The following SAMD12 variants were observed in gnomAD, a reference collection of about 807,000 sequenced individuals.
The protein encoded by SAMD12 is sterile alpha motif domain containing 12.
In SAMD12, 9 loss-of-function variants were observed where a neutral mutation model predicts 15.0. The observed-to-expected ratio is 0.60, with a 90% CI of 0.36 to 1.05. SAMD12 has a LOEUF of 1.05. SAMD12 is among the 50% of genes least tolerant of loss of function. SAMD12 has a pLI of 0.01. For missense variants in SAMD12, 230 were observed against 234.2 expected, an observed-to-expected ratio of 0.98 and a Z score of 0.12; for synonymous variants, 86 against 90.1, an observed-to-expected ratio of 0.96 and a Z score of 0.25.
At chr8:118,508,990 C>A (rs1265027277) in intron 2 of SAMD12, among the ~76,000 whole-genome samples, 1 of 152,238 alleles carries the variant, frequency 6.6e-6, no homozygotes, top group African/African-American at 2.4e-5. Context: ...TTCTTAATAA[C>A]ACTCTAGTCT....
intron 4 of SAMD12, among the ~76,000 whole-genome samples, chr8:118,243,312 T>A (rs912124309): frequency 2.6e-5 from 4 of 152,070 alleles, no homozygotes; most frequent in African/African-American, 9.7e-5. Flanking sequence ...AGGGAACAGA[T>A]GTGAAATTTG....
chr8:118,548,526 T>A (rs957141941), intron 2 of SAMD12, among the ~76,000 whole-genome samples: 3 of 152,056 alleles, frequency 2.0e-5, no homozygotes, highest in Admixed American at 6.5e-5. Context: ...TTTGTTAACA[T>A]CTACAACTGG....
the SAMD12 span, among the ~76,000 whole-genome samples, chr8:118,134,702 T>A: frequency 1.3e-5 from 2 of 152,168 alleles, no homozygotes; most frequent in African/African-American, 4.8e-5. Flanking sequence ...TAACCAGGTT[T>A]TCTTGGTTTG....
intron 4 of SAMD12, among the ~76,000 whole-genome samples, chr8:118,228,643 G>A (rs535081272): frequency 1.3e-5 from 2 of 152,188 alleles, no homozygotes; most frequent in East Asian, 1.9e-4. Context: ...AACAGTAGAT[G>A]TTGGCTTGGA....
At chr8:118,531,188 C>T (rs1389845038) in intron 2 of SAMD12, among the ~76,000 whole-genome samples, 1 of 152,198 alleles carries the variant, frequency 6.6e-6, no homozygotes, top group Non-Finnish European at 1.5e-5. Flanking sequence ...AATAGGGAAT[C>T]CTTTCCCCAT....
At chr8:118,577,795 C>T (rs2131251343) in intron 2 of SAMD12, among the ~76,000 whole-genome samples, 1 of 152,226 alleles carries the variant, frequency 6.6e-6, no homozygotes, top group East Asian at 1.9e-4. Flanking sequence ...TAACTCACTT[C>T]TCTGACAAAT....
intron 2 of SAMD12, among the ~76,000 whole-genome samples, chr8:118,458,070 C>T (rs540799467): frequency 6.6e-6 from 1 of 152,308 alleles, no homozygotes; most frequent in South Asian, 2.1e-4. Flanking sequence ...AAAACTCTCC[C>T]ATTTGACAAA....
At chr8:118,469,539 A>ATT (rs1823723921) in intron 2 of SAMD12, among the ~76,000 whole-genome samples, 1 of 2,678 alleles carries the variant, frequency 3.7e-4, no homozygotes, top group African/African-American at 7.3e-4. Flanking sequence ...TATTATATAT[A>ATT]TTATATTATT....
intron 4 of SAMD12, among the ~76,000 whole-genome samples, chr8:118,302,462 G>T (rs926901533): frequency 5.9e-5 from 9 of 152,010 alleles, no homozygotes; most frequent in African/African-American, 1.7e-4. Flanking sequence ...TATAATAAAG[G>T]GCTAAACTGA....
chr8:118,255,238 A>G (rs1812908697), intron 4 of SAMD12, among the ~76,000 whole-genome samples: 2 of 152,150 alleles, frequency 1.3e-5, no homozygotes, highest in Admixed American at 1.3e-4. Context: ...TAAAAAAACC[A>G]TAAGGTATGC....
Position 118,191,917 on chromosome 8 carries a change from C to A in SAMD12, c.*5793G>T, listed in dbSNP as rs565105577. On this transcript the variant is annotated 3_prime_UTR_variant, in exon 5 of 5. Coordinates refer to the SAMD12 transcript ENST00000409003. Reference sequence around the variant, plus strand: ...ACCACAGGCATGCTCAAACTCAAATCATATTTTTGGAATTATACTTGGATA... The same window carrying A: ...ACCACAGGCATGCTCAAACTCAAATAATATTTTTGGAATTATACTTGGATA... 8.3e-5 allele frequency: 12 copies of A among 144,730 alleles called. No individual in the cohort carries two copies. The East Asian group carries it at 2.6e-3, about 31-fold the overall frequency. 9.0% of individuals were successfully genotyped at this position (144,730 alleles called of 1,614,324 possible). A position where few individuals can be genotyped will look rare whatever the true frequency, so the allele number is the denominator to read the frequency against.
intron 3 of SAMD12, among the ~76,000 whole-genome samples, chr8:118,428,990 TATTG>T (rs1261226137): frequency 2.0e-5 from 3 of 152,204 alleles, no homozygotes; most frequent in Non-Finnish European, 4.4e-5. Context: ...TCTGGTGTTA[TATTG>T]ATTGTGATTG....
At chr8:118,145,445 A>C in the SAMD12 span, among the ~76,000 whole-genome samples, 1 of 152,240 alleles carries the variant, frequency 6.6e-6, no homozygotes, top group African/African-American at 2.4e-5. Context: ...GTGTTCATTC[A>C]TTCATTCAAT....
intron 2 of SAMD12, among the ~76,000 whole-genome samples, chr8:118,572,469 C>T (rs1402618116): frequency 6.6e-6 from 1 of 152,170 alleles, no homozygotes; most frequent in African/African-American, 2.4e-5. Flanking sequence ...TGGCTGTGTC[C>T]TCACCCAAAT....
At chr8:118,514,115 C>G (rs1825163139) in intron 2 of SAMD12, among the ~76,000 whole-genome samples, 1 of 152,182 alleles carries the variant, frequency 6.6e-6, no homozygotes. Context: ...GTAGCCTCTG[C>G]TGTATAAAGT....
chr8:118,497,519 G>A (rs1009395762), intron 2 of SAMD12, among the ~76,000 whole-genome samples: 1 of 152,080 alleles, frequency 6.6e-6, no homozygotes, highest in South Asian at 2.1e-4. Flanking sequence ...TAAACGTTGA[G>A]TACACATGGA....
intron 4 of SAMD12, among the ~76,000 whole-genome samples, chr8:118,296,792 C>T (rs1179203243): frequency 1.3e-5 from 2 of 152,170 alleles, no homozygotes; most frequent in African/African-American, 4.8e-5. Context: ...GTCTTGATGC[C>T]TAATTATTAA....
chr8:118,376,556 T>C (rs1287985655), downstream of SAMD12, among the ~76,000 whole-genome samples: 2 of 152,178 alleles, frequency 1.3e-5, no homozygotes, highest in Non-Finnish European at 2.9e-5. Context: ...GAAATTTTTG[T>C]TGTTTATAAG....
intron 4 of SAMD12, among the ~76,000 whole-genome samples, chr8:118,255,418 T>C (rs925004566): frequency 6.6e-6 from 1 of 151,906 alleles, no homozygotes; most frequent in African/African-American, 2.4e-5. Context: ...GTTAGTTACA[T>C]ATGTATACAT....
Sources: allele counts gnomAD v4.1 joint callset (sites outside exome capture counted in the v4.1 genomes callset), GRCh38; gene constraint gnomAD v4.1.1; transcripts MANE v1.5; gene names NCBI Gene and HGNC (gene_info 2026-07-23, HGNC 2026-07-21).